The following GLT8D1 variants were observed in gnomAD, a reference collection of about 807,000 sequenced individuals.
GLT8D1 encodes glycosyltransferase 8 domain containing 1, also known as glycosyltransferase 8 domain-containing protein 1.
GLT8D1 carries 41 observed loss-of-function variants against 46.2 expected under a neutral mutation model. The observed-to-expected ratio is 0.89, with a 90% CI of 0.69 to 1.15. GLT8D1 has a LOEUF of 1.15. Ranked by LOEUF, GLT8D1 falls within the 50% of genes most tolerant of loss-of-function variation. The pLI is 0.00. For synonymous variants in GLT8D1, 150 were observed against 154.2 expected (o/e 0.97, Z 0.20); for missense variants, 408 against 449.3 (o/e 0.91, Z 0.83).
intron 6 of GLT8D1, 51 bp from the exon 7 acceptor site, chr3:52,696,091 CCT>C: frequency 8.0e-7 from 1 of 1,255,912 alleles, no homozygotes; most frequent in Non-Finnish European, 1.2e-6. Context: ...TTGAGAGTTC[CCT>C]GTTACTCCCA....
intron 1 of GLT8D1, chr3:52,704,785 A>G (rs1275418315): frequency 6.6e-6 from 1 of 152,314 alleles, no homozygotes; most frequent in Non-Finnish European, 1.5e-5. Context: ...TCCAAACTCC[A>G]CGTTGAGCTG....
At chr3:52,696,170 G>T in intron 6 of GLT8D1, 64 bp downstream of exon 6, 1 of 1,249,456 alleles carries the variant, frequency 8.0e-7, no homozygotes, top group Non-Finnish European at 1.2e-6. Context: ...GTAGCCCATT[G>T]TTTTATTTAG....
chr3:52,704,458 C>CAAAAAA (rs60851820), intron 1 of GLT8D1, among the ~76,000 whole-genome samples: 2 of 53,558 alleles, frequency 3.7e-5, no homozygotes, highest in Non-Finnish European at 7.0e-5. Context: ...GTCTTCGCCT[C>CAAAAAA]AAAAAAAAAA....
chr3:52,700,897 A>C (rs2097338776), intron 1 of GLT8D1, among the ~76,000 whole-genome samples: 1 of 151,892 alleles, frequency 6.6e-6, no homozygotes, highest in South Asian at 2.1e-4. Context: ...CCTCGTCTCT[A>C]CTAAAAACTG....
In GLT8D1 at chr3:52,695,322, A is replaced by G. The variant is rs771640458; in HGVS notation, c.813-20T>C. 2.5e-6 allele frequency: 4 copies of G among 1,597,698 alleles called. No individual in the cohort carries two copies. Among genetic ancestry groups the G allele is most frequent in the South Asian group, 1.1e-5 (1 of 90,512 alleles). On this transcript the variant is annotated intron_variant, in intron 8 of 9. Coordinates refer to ENST00000266014, the MANE Select transcript of GLT8D1 (RefSeq NM_018446.4). ...CCCTCTCTTGGTGGGACAGAAAACA[A>G]ATGTTTGTTAGTGAAAAGTACTGAC...
chr3:52,694,850 T>C lies in GLT8D1; in HGVS notation c.1111A>G (p.Lys371Glu), dbSNP rs1449242833. ...CTTACAGTTCAAATTCTGTTTCACT[T>C]TATGTTTGAGATCTCGGTATATCTT... is the stretch of plus-strand genomic sequence containing the variant. ...IRRYTEISNI[K>E] Residue 371 changes from lysine to glutamate, a missense_variant, in exon 10 of 10, where the codon AAG (lysine) becomes GAG (glutamate). Lys to Glu is a moderately conservative substitution (Grantham distance 56). Coordinates refer to ENST00000266014, the MANE Select transcript of GLT8D1 (RefSeq NM_018446.4). The C allele has an allele frequency of 1.2e-6, 2 of 1,605,290 alleles. No homozygotes were observed. Among genetic ancestry groups the C allele is most frequent in the Admixed American group, 3.3e-5 (2 of 60,000 alleles).
intron 3 of GLT8D1, among the ~76,000 whole-genome samples, chr3:52,699,317 ACT>A (rs963121732): frequency 6.6e-5 from 10 of 151,616 alleles, no homozygotes; most frequent in Non-Finnish European, 1.5e-4. Context: ...ACGAAGACTC[ACT>A]CTGTCACCAG....
Position 52,696,220 on chromosome 3 carries a change from G to A in GLT8D1, c.532+14C>T. 1 of 1,551,950 alleles carries A rather than the reference G, an allele frequency of 6.4e-7. No individual in the cohort carries two copies. Among genetic ancestry groups the A allele is most frequent in the East Asian group, 2.2e-5 (1 of 44,616 alleles). On this transcript the variant is annotated intron_variant, in intron 6 of 9. Transcript: ENST00000266014. Reference sequence around the variant, plus strand: ...CTGGGTGGAGAACAGCACTCATGGTGACATTTTTGATACCTTGCACAATTA... The same window carrying A: ...CTGGGTGGAGAACAGCACTCATGGTAACATTTTTGATACCTTGCACAATTA...
rs925137697 is a variant in GLT8D1 at position 52,696,118 on chromosome 3, G to A, written c.533-78C>T. The A allele has an allele frequency of 3.4e-6, 4 of 1,161,280 alleles. No homozygotes were observed. The African/African-American group carries it at 6.0e-5, about 18-fold the overall frequency. 71.9% of individuals were successfully genotyped at this position (1,161,280 alleles called of 1,614,324 possible). On this transcript the variant is annotated intron_variant, in intron 6 of 9. Transcript: ENST00000266014. ...TGTTACTCCCACTTCTCCCTATGGTGACCTTTTATAGAAGACCATAAATAA... is the reference window on the plus strand; with the variant it reads ...TGTTACTCCCACTTCTCCCTATGGTAACCTTTTATAGAAGACCATAAATAA...
rs192228101 is a variant in GLT8D1 at position 52,702,728 on chromosome 3, A to T, written c.-36-2232T>A. 2.2e-3 allele frequency among the ~76,000 whole-genome samples: 341 copies of T among 152,070 alleles called. 3 individuals carry two copies. The highest frequency in any genetic ancestry group is 0.017 in the Middle Eastern group (5 of 294). ...CCCATATCTAAAAAAAATTTTTTTT[A>T]AAAATGGGATCACAGGCCAGATTAC... On this transcript the variant is annotated intron_variant, in intron 1 of 9. Transcript: ENST00000266014.
chr3:52,700,398 A>G (rs2097338319), intron 2 of GLT8D1, 38 bp from the exon 3 acceptor site: 2 of 1,594,850 alleles, frequency 1.3e-6, no homozygotes, highest in Non-Finnish European at 1.7e-6. Flanking sequence ...ATACCTCTTT[A>G]TCTTTGACCA....
rs2097343714 is a variant in GLT8D1, at chr3:52,705,698, C to T, written c.-288G>A. 4.6e-6 allele frequency: 2 copies of T among 432,542 alleles called. No homozygotes were observed. The highest frequency in any genetic ancestry group is 3.4e-6 in the Non-Finnish European group (1 of 296,764). 26.8% of individuals were successfully genotyped at this position (432,542 alleles called of 1,614,324 possible). A position where few individuals can be genotyped will look rare whatever the true frequency, so the allele number is the denominator to read the frequency against. ...TTCCCTGCACGCTGGGCCGAGCACA[C>T]TTGCCCTCTAGCTCCGTGGCAGCCG... On this transcript the variant is annotated 5_prime_UTR_variant, in exon 1 of 10. In the 5' UTR this introduces an upstream ATG that the reference lacks. Coordinates refer to ENST00000266014, the MANE Select transcript of GLT8D1 (RefSeq NM_018446.4).
chr3:52,697,863 G>A lies in GLT8D1; in HGVS notation c.187C>T (p.Gln63Ter). 6.2e-7 allele frequency: 1 copy of A among 1,613,642 alleles called. No individual in the cohort carries two copies. Among genetic ancestry groups the A allele is most frequent in the Non-Finnish European group, 8.5e-7 (1 of 1,179,568 alleles). The change falls in exon 4 of 10, where the codon CAA becomes TAA. Residue 63 changes from glutamine (Q) to a stop codon, truncating the protein, a stop_gained. Transcript: ENST00000266014. LOFTEE classifies it high-confidence loss of function. ...NALRHAVDGR[Q>*]EEIPVVIAAS... is the part of the protein sequence containing the mutation. ...GCGATGACCACAGGAATCTCCTCTT[G>A]TCTCCCATCTACTGCATGTCGGAGA...
intron 6 of GLT8D1, 48 bp from the exon 7 acceptor site, chr3:52,696,088 T>C: frequency 7.6e-7 from 1 of 1,317,756 alleles, no homozygotes; most frequent in Non-Finnish European, 1.1e-6. Context: ...GCCTTGAGAG[T>C]TCCCTGTTAC....
intron 3 of GLT8D1, among the ~76,000 whole-genome samples, chr3:52,698,403 C>T (rs527588745): frequency 6.6e-6 from 1 of 152,054 alleles, no homozygotes; most frequent in Non-Finnish European, 1.5e-5. Context: ...AAATAGAGGC[C>T]GGGCATGGTA....
chr3:52,698,406 G>A (rs1395626325), intron 3 of GLT8D1, among the ~76,000 whole-genome samples: 1 of 152,176 alleles, frequency 6.6e-6, no homozygotes, highest in African/African-American at 2.4e-5. Flanking sequence ...TAGAGGCCGG[G>A]CATGGTAGGT....
rs2154099888 is a variant in GLT8D1 at position 52,694,666 on chromosome 3, CTA to C, written c.*177_*178del. On this transcript the variant is annotated 3_prime_UTR_variant, in exon 10 of 10. Coordinates refer to ENST00000266014, the MANE Select transcript of GLT8D1 (RefSeq NM_018446.4). Reference sequence around the variant, plus strand: ...AGGCAGATGGAGACATATTTATAGTCTATAGTCTGTCTGGGAAGCTGACTGCC... The same window carrying C: ...AGGCAGATGGAGACATATTTATAGTCTAGTCTGTCTGGGAAGCTGACTGCC... The C allele has an allele frequency of 3.1e-6, 2 of 654,528 alleles. No homozygotes were observed. The highest frequency in any genetic ancestry group is 3.5e-5 in the South Asian group (2 of 57,050). The allele number at this position is 654,528 out of a possible 1,614,324, so 40.5% of individuals were successfully genotyped here. A position where few individuals can be genotyped will look rare whatever the true frequency, so the allele number is the denominator to read the frequency against.
At chr3:52,704,100 T>C (rs142383492) in intron 1 of GLT8D1, among the ~76,000 whole-genome samples, 11 of 152,154 alleles carry the variant, frequency 7.2e-5, no homozygotes, top group Non-Finnish European at 1.0e-4. Context: ...GTCAGCCCTC[T>C]GTATCTGTAA....
intron 4 of GLT8D1, 121 bp downstream of exon 4, chr3:52,697,600 T>A (rs2097335141): frequency 1.1e-5 from 8 of 747,028 alleles, no homozygotes; most frequent in Non-Finnish European, 1.7e-5. Context: ...GTACAGTTTA[T>A]CACTGGTACA....
Sources: allele counts gnomAD v4.1 joint callset (sites outside exome capture counted in the v4.1 genomes callset), GRCh38; gene constraint gnomAD v4.1.1; transcripts MANE v1.5; gene names NCBI Gene and HGNC (gene_info 2026-07-23, HGNC 2026-07-21).